Variants in PRKG1 observed in about 807,000 individuals in gnomAD.
The protein encoded by PRKG1 is cGMP-dependent protein kinase 1.
Under a neutral mutation model 88.1 loss-of-function variants are expected in PRKG1, and 35 were observed. The ratio of observed to expected loss-of-function variants is 0.40; its 90% CI spans 0.30 to 0.53. PRKG1 has a LOEUF of 0.53. Among genes scored for constraint, PRKG1 ranks in the 20% least tolerant of loss-of-function variants. The pLI is 0.59. For synonymous variants in PRKG1, 303 were observed against 292.5 expected, an observed-to-expected ratio of 1.04 and a Z score of -0.37; for missense variants, 540 against 839.8, an observed-to-expected ratio of 0.64 and a Z score of 4.41.
intron 2 of PRKG1, among the ~76,000 whole-genome samples, chr10:51,175,508 A>G (rs1368283466): frequency 6.6e-6 from 1 of 152,020 alleles, no homozygotes; most frequent in African/African-American, 2.4e-5. Flanking sequence ...TCTGTTGTCA[A>G]ATTGATTCCA....
intron 7 of PRKG1, among the ~76,000 whole-genome samples, chr10:52,113,517 G>A (rs544982803): frequency 8.5e-5 from 13 of 152,194 alleles, no homozygotes; most frequent in South Asian, 2.1e-4. Context: ...TGCTTTGTTC[G>A]TAAAGAATAT....
intron 4 of PRKG1, among the ~76,000 whole-genome samples, chr10:51,902,049 T>C (rs1449198642): frequency 2.0e-5 from 3 of 152,148 alleles, no homozygotes; most frequent in African/African-American, 7.2e-5. Context: ...AGTCTTCTAA[T>C]CACCTTTTCA....
At chr10:51,711,513 A>G (rs1841750689) in intron 3 of PRKG1, among the ~76,000 whole-genome samples, 1 of 152,210 alleles carries the variant, frequency 6.6e-6, no homozygotes, top group African/African-American at 2.4e-5. Flanking sequence ...TACTGAAAAT[A>G]TAAGTGTGTA....
intron 7 of PRKG1, among the ~76,000 whole-genome samples, chr10:52,121,096 AT>A (rs1330311028): frequency 3.9e-5 from 6 of 152,174 alleles, no homozygotes; most frequent in Admixed American, 6.5e-5. Context: ...CACTTAAGCC[AT>A]ATTTACTCCT....
intron 1 of PRKG1, among the ~76,000 whole-genome samples, chr10:51,128,338 CG>C (rs1164010575): frequency 6.6e-6 from 1 of 152,062 alleles, no homozygotes; most frequent in Non-Finnish European, 1.5e-5. Context: ...TCCATATGCA[CG>C]GAATTCAAAA....
chr10:51,743,885 C>T (rs1485081979), intron 3 of PRKG1, among the ~76,000 whole-genome samples: 3 of 150,204 alleles, frequency 2.0e-5, no homozygotes, highest in African/African-American at 4.9e-5. Context: ...TTTAAATATT[C>T]GGCTGAATAC....
chr10:51,681,058 ATTAG>A (rs1292708583), intron 3 of PRKG1, among the ~76,000 whole-genome samples: 20 of 152,232 alleles, frequency 1.3e-4, no homozygotes, highest in African/African-American at 4.8e-4. Context: ...CAGTGATGAC[ATTAG>A]TTAGTTGATC....
At chr10:51,793,138 C>CAAAAAAAAA (rs775904836) in intron 3 of PRKG1, among the ~76,000 whole-genome samples, 2 of 69,732 alleles carry the variant, frequency 2.9e-5, no homozygotes, top group Admixed American at 1.7e-4. Flanking sequence ...CAGCACACTG[C>CAAAAAAAAA]AAAAAAAAAA....
At chr10:51,379,959 T>G (rs1364258803) in intron 2 of PRKG1, among the ~76,000 whole-genome samples, 1 of 152,222 alleles carries the variant, frequency 6.6e-6, no homozygotes, top group African/African-American at 2.4e-5. Context: ...ATACACAGAC[T>G]AAAACTAATA....
intron 10 of PRKG1, among the ~76,000 whole-genome samples, chr10:52,262,786 T>C (rs75228735): frequency 0.038 from 5,839 of 152,196 alleles, 492 homozygotes; most frequent in East Asian, 0.34. Flanking sequence ...GGCATAGTAT[T>C]TGCATATACA....
At position 51,067,783 on chromosome 10, in the gene PRKG1, G is replaced by A. The variant is rs542570233; in HGVS notation, c.266+76139G>A. On this transcript the variant is annotated intron_variant, in intron 1 of 17. Transcript: ENST00000401604. ...CCTATTGTACATTTATTTATATGGT[G>A]CATTGAAACTATATGATACTTTAGA... Among the ~76,000 whole-genome samples the A allele has an allele frequency of 2.0e-5, 3 of 152,116 alleles. No homozygotes were observed. The East Asian group carries it at 5.8e-4, about 29-fold the overall frequency.
intron 3 of PRKG1, among the ~76,000 whole-genome samples, chr10:51,671,597 T>A (rs1472757525): frequency 1.3e-5 from 2 of 151,714 alleles, no homozygotes; most frequent in Non-Finnish European, 2.9e-5. Context: ...TCTCTTTTTT[T>A]TTTTTTTGAG....
chr10:51,832,062 A>T (rs545792249), intron 4 of PRKG1, among the ~76,000 whole-genome samples: 2 of 152,174 alleles, frequency 1.3e-5, no homozygotes, highest in East Asian at 3.8e-4. Context: ...ACAGGTGAAA[A>T]TATCAGGCAT....
chr10:51,624,424 A>G (rs1839284391), intron 3 of PRKG1, among the ~76,000 whole-genome samples: 1 of 152,228 alleles, frequency 6.6e-6, no homozygotes, highest in Non-Finnish European at 1.5e-5. Context: ...TCTCTATAAT[A>G]AACAGAAATC....
At chr10:51,330,065 T>G (rs1394191314) in intron 2 of PRKG1, among the ~76,000 whole-genome samples, 2 of 150,516 alleles carry the variant, frequency 1.3e-5, no homozygotes, top group African/African-American at 4.8e-5. Context: ...TTTATCTTTC[T>G]CTTTTCCTTA....
intron 2 of PRKG1, among the ~76,000 whole-genome samples, chr10:51,262,419 T>C (rs1440138767): frequency 6.6e-6 from 1 of 152,078 alleles, no homozygotes. Context: ...AGATCTTGAG[T>C]GTTCTCTGGC....
chr10:51,547,776 A>T (rs1488744589), intron 3 of PRKG1, among the ~76,000 whole-genome samples: 1 of 152,072 alleles, frequency 6.6e-6, no homozygotes, highest in Non-Finnish European at 1.5e-5. Context: ...TGCATATTGT[A>T]TTGTCTCTTA....
At chr10:51,227,857 C>G (rs1838734545) in intron 2 of PRKG1, among the ~76,000 whole-genome samples, 1 of 152,142 alleles carries the variant, frequency 6.6e-6, no homozygotes, top group Non-Finnish European at 1.5e-5. Context: ...GCAATCACAG[C>G]AGGGACTATC....
chr10:51,122,721 A>G (rs1319437998), intron 1 of PRKG1, among the ~76,000 whole-genome samples: 3 of 152,172 alleles, frequency 2.0e-5, no homozygotes, highest in African/African-American at 7.2e-5. Context: ...GGTTATCACA[A>G]ACTGATTTGA....
Sources: gnomAD v4.1 joint callset for allele counts (sites outside exome capture counted in the v4.1 genomes callset) on GRCh38, gnomAD v4.1.1 for gene constraint, MANE v1.5 for transcripts, NCBI Gene and HGNC (gene_info 2026-07-23, HGNC 2026-07-21) for gene names.